PTCD3: variants seen among roughly 807,000 people sequenced by gnomAD.
The protein encoded by PTCD3 is small ribosomal subunit protein mS39.
A neutral mutation model predicts 101.9 loss-of-function variants in PTCD3; 89 were observed. That is an observed-to-expected ratio of 0.87 (90% CI 0.74 to 1.04). The LOEUF is 1.04. PTCD3 is among the 50% of genes least tolerant of loss of function. PTCD3 has a pLI of 0.00. For missense variants in PTCD3, 870 were observed against 828.2 expected, an observed-to-expected ratio of 1.05 and a Z score of -0.62; for synonymous variants, 296 against 278.5, an observed-to-expected ratio of 1.06 and a Z score of -0.63.
rs1428445398 is a variant in PTCD3 at position 86,124,982 on chromosome 2, C to T, written c.717-13C>T. On this transcript the variant is annotated splice_polypyrimidine_tract_variant and intron_variant, in intron 9 of 23. Transcript: ENST00000254630. ...CTTATTGCCTGGGTTCACATTTACTCTCTTGTGTCTAGAGCAAAAAACAAC... is the reference window on the plus strand; with the variant it reads ...CTTATTGCCTGGGTTCACATTTACTTTCTTGTGTCTAGAGCAAAAAACAAC... 1.9e-6 allele frequency: 3 copies of T among 1,612,886 alleles called. No individual in the cohort carries two copies. The Middle Eastern group carries it at 5.0e-4, about 268-fold the overall frequency.
chr2:86,133,735 T>C (rs1364698223), intron 19 of PTCD3, among the ~76,000 whole-genome samples: 1 of 152,188 alleles, frequency 6.6e-6, no homozygotes, highest in Non-Finnish European at 1.5e-5. Context: ...AGACCCTAAA[T>C]CTGAATAAAG....
At chr2:86,107,522 C>T (rs1030112474) in intron 1 of PTCD3, among the ~76,000 whole-genome samples, 1 of 152,162 alleles carries the variant, frequency 6.6e-6, no homozygotes, top group East Asian at 1.9e-4. Context: ...TAATACTAAC[C>T]GTCACATTAT....
Position 86,106,282 on chromosome 2 carries a change from T to G in PTCD3, c.35T>G (p.Leu12Arg). 1 of 1,613,742 alleles carries G rather than the reference T, an allele frequency of 6.2e-7. No homozygotes were observed. Among genetic ancestry groups the G allele is most frequent in the Non-Finnish European group, 8.5e-7 (1 of 1,179,968 alleles). ...AVVSAVRWLG[L>R]RSRLGQPLTG... is the part of the protein sequence containing the mutation. The stretch of plus-strand genomic sequence containing the variant: ...GTATCTGCTGTTCGCTGGCTGGGCC[T>G]CCGCAGCAGGCTTGGCCAGCCGCTG... Residue 12 changes from leucine (L) to arginine (R), a missense_variant, in exon 1 of 24, where the codon CTC becomes CGC. Leu to Arg is a moderately radical substitution (Grantham distance 102). Coordinates refer to ENST00000254630, the MANE Select transcript of PTCD3 (RefSeq NM_017952.6).
chr2:86,123,192 G>A (rs1347776625), intron 8 of PTCD3, among the ~76,000 whole-genome samples: 2 of 151,956 alleles, frequency 1.3e-5, no homozygotes, highest in Admixed American at 1.3e-4. Flanking sequence ...AACCCAGGAG[G>A]TGGAGGTTGC....
rs1674414619 is a variant in PTCD3 at position 86,127,300 on chromosome 2, G to T, written c.1091G>T (p.Gly364Val). The change falls in exon 13 of 24, where the codon GGA becomes GTA. Residue 364 changes from glycine to valine, a missense_variant. Physicochemically the swap from Gly to Val is moderately radical, Grantham distance 109 (BLOSUM62 -3). Coordinates refer to ENST00000254630, the MANE Select transcript of PTCD3 (RefSeq NM_017952.6). ...GTTTTACGTGAAATGAAAGCCATTG[G>T]AATAGGTGAGGATGCGCCCTTGAGT... is the stretch of plus-strand genomic sequence containing the variant. ...LQVLREMKAI[G>V]IEPSLATYHH... The T allele has an allele frequency of 2.5e-6, 4 of 1,613,914 alleles. No individual in the cohort carries two copies. The East Asian group carries it at 8.9e-5, about 36-fold the overall frequency.
intron 1 of PTCD3, among the ~76,000 whole-genome samples, chr2:86,107,616 A>G (rs1489493035): frequency 2.6e-5 from 4 of 152,230 alleles, no homozygotes; most frequent in African/African-American, 9.6e-5. Context: ...CAATGATTCT[A>G]TATTTTGGTT....
chr2:86,116,435 G>A, intron 4 of PTCD3, 95 bp from the exon 5 acceptor site: 1 of 1,030,356 alleles, frequency 9.7e-7, no homozygotes, highest in African/African-American at 1.6e-5. Flanking sequence ...TACTTGGGAG[G>A]CTGAGGCAGG....
intron 17 of PTCD3, chr2:86,132,871 C>T: frequency 2.6e-6 from 1 of 386,538 alleles, no homozygotes; most frequent in South Asian, 4.4e-5. Context: ...GAATTGTTTT[C>T]TGTGTATCCA....
Position 86,134,925 on chromosome 2 carries a change from AG to A in PTCD3, c.1717del (p.Ala573ProfsTer7). On this transcript the variant is annotated frameshift_variant, in exon 21 of 24. Transcript: ENST00000254630. LOFTEE classifies it high-confidence loss of function. ...PIRQTAQDWP[A>X]TSLNCIAILF... ...TCAGACAGACTGCTCAGGATTGGCC[AG>A]CCACCTCTCTCAACTGTATAGCTAT... 2 of 1,614,198 alleles carry A rather than the reference AG, an allele frequency of 1.2e-6. No individual in the cohort carries two copies. The highest frequency in any genetic ancestry group is 1.7e-6 in the Non-Finnish European group (2 of 1,180,030).
At chr2:86,125,980 A>G in intron 12 of PTCD3, 100 bp downstream of exon 12, 2 of 799,244 alleles carry the variant, frequency 2.5e-6, no homozygotes, top group East Asian at 2.9e-5. Context: ...CTGTAATACC[A>G]GCACTTTGGG....
rs1374089079 is a variant in PTCD3, at chr2:86,141,529, A to C, written c.*3970A>C. 1.3e-5 allele frequency: 2 copies of C among 152,210 alleles called. No homozygotes were observed. The highest frequency in any genetic ancestry group is 4.8e-5 in the African/African-American group (2 of 41,452). 9.4% of individuals were successfully genotyped at this position (152,210 alleles called of 1,614,324 possible). A position where few individuals can be genotyped will look rare whatever the true frequency, so the allele number is the denominator to read the frequency against. ...ACCTGTTAAGAGAACAGGGGATTTA[A>C]ATACAAAGGAATATGAAGGTGGTGT... On this transcript the variant is annotated 3_prime_UTR_variant, in exon 24 of 24. Coordinates refer to ENST00000254630, the MANE Select transcript of PTCD3 (RefSeq NM_017952.6).
chr2:86,106,362 C>T lies in PTCD3; in HGVS notation c.104+11C>T, dbSNP rs747202755. On this transcript the variant is annotated intron_variant, in intron 1 of 23. Coordinates refer to ENST00000254630, the MANE Select transcript of PTCD3 (RefSeq NM_017952.6). ...GGCACGCAGCTGCAGGTAAGAGACG[C>T]TTAGGGTATCCGCGAAGAAGACCGC... 5 of 1,612,032 alleles carry T rather than the reference C, an allele frequency of 3.1e-6. No homozygotes were observed. In the South Asian group the frequency reaches 3.3e-5, roughly 11 times the overall value.
At chr2:86,114,211 T>C (rs912797347) in intron 4 of PTCD3, among the ~76,000 whole-genome samples, 1 of 152,126 alleles carries the variant, frequency 6.6e-6, no homozygotes, top group East Asian at 1.9e-4. Context: ...TATTGTGTAG[T>C]TCTAGAGGGG....
intron 6 of PTCD3, 48 bp from the exon 7 acceptor site, chr2:86,118,873 C>T: frequency 6.3e-7 from 1 of 1,581,550 alleles, no homozygotes; most frequent in Non-Finnish European, 8.6e-7. Flanking sequence ...GTTATCCTTC[C>T]CTCACCTTTA....
chr2:86,124,869 G>A, intron 9 of PTCD3, 126 bp from the exon 10 acceptor site: 2 of 1,311,426 alleles, frequency 1.5e-6, no homozygotes, highest in Non-Finnish European at 2.0e-6. Flanking sequence ...TACCCTGTAA[G>A]AATTGAGATA....
rs1180575055 is a variant in PTCD3 at position 86,138,421 on chromosome 2, G to A, written c.*862G>A. 6.6e-6 allele frequency: 1 copy of A among 152,148 alleles called. No individual in the cohort carries two copies. Among genetic ancestry groups the A allele is most frequent in the Non-Finnish European group, 1.5e-5 (1 of 68,036 alleles). 9.4% of individuals were successfully genotyped at this position (152,148 alleles called of 1,614,324 possible). On this transcript the variant is annotated 3_prime_UTR_variant, in exon 24 of 24. Coordinates refer to ENST00000254630, the MANE Select transcript of PTCD3 (RefSeq NM_017952.6). Reference sequence around the variant, plus strand: ...TTGCAGCATTCCTGCCTTCATGAGGGCTTCTACCACTGACCACTTTGCACG... The same window carrying A: ...TTGCAGCATTCCTGCCTTCATGAGGACTTCTACCACTGACCACTTTGCACG...
At chr2:86,111,057 C>T (rs569122686) in intron 3 of PTCD3, 56 bp from the exon 4 acceptor site, 160 of 1,478,798 alleles carry the variant, frequency 1.1e-4, no homozygotes, top group Non-Finnish European at 1.4e-4. Flanking sequence ...ATCACTTGTT[C>T]GGTTTGTGGC....
intron 6 of PTCD3, among the ~76,000 whole-genome samples, chr2:86,118,153 T>C (rs1674210439): frequency 6.6e-6 from 1 of 152,236 alleles, no homozygotes; most frequent in Non-Finnish European, 1.5e-5. Flanking sequence ...TACTCTTCTG[T>C]TTCAGTGACG....
chr2:86,117,169 GGTA>G lies in PTCD3; in HGVS notation c.414+13_414+15del, dbSNP rs748265370. 7.4e-6 allele frequency: 7 copies of G among 947,742 alleles called. No homozygotes were observed. The South Asian group carries it at 9.5e-5, about 13-fold the overall frequency. 58.7% of individuals were successfully genotyped at this position (947,742 alleles called of 1,614,324 possible). A position where few individuals can be genotyped will look rare whatever the true frequency, so the allele number is the denominator to read the frequency against. The stretch of plus-strand genomic sequence containing the variant: ...TGAACCTCATATACCGGTAAGGAGA[GGTA>G]GTTACATTATTTACATAATACTATT... On this transcript the variant is annotated intron_variant, in intron 6 of 23. Transcript: ENST00000254630.
Sources: allele counts gnomAD v4.1 joint callset (sites outside exome capture counted in the v4.1 genomes callset), GRCh38; gene constraint gnomAD v4.1.1; transcripts MANE v1.5; gene names NCBI Gene and HGNC (gene_info 2026-07-23, HGNC 2026-07-21).